Variants in MAP3K5 observed in about 807,000 individuals in gnomAD.
The protein encoded by MAP3K5 is ASK-1.
Under a neutral mutation model 158.7 loss-of-function variants are expected in MAP3K5, and 56 were observed. The ratio of observed to expected loss-of-function variants is 0.35; its 90% CI spans 0.28 to 0.44. The LOEUF (loss-of-function observed/expected upper bound fraction) is 0.44, where lower values mean the gene tolerates loss of function less well. Ranked by LOEUF, MAP3K5 falls within the 20% of genes least tolerant of loss-of-function variation. The pLI, the probability that MAP3K5 is intolerant of heterozygous loss-of-function variation, is 1.00. For missense variants in MAP3K5, 1,294 were observed against 1,674.8 expected (o/e 0.77, Z 3.97); for synonymous variants, 579 against 601.7 (o/e 0.96, Z 0.55).
intron 23 of MAP3K5, 147 bp downstream of exon 23, chr6:136,592,026 C>T (rs1313027982): frequency 1.0e-5 from 6 of 583,054 alleles, no homozygotes; most frequent in Non-Finnish European, 1.7e-5. Flanking sequence ...ATAGGGTTTG[C>T]CTTCTTTTTT....
chr6:136,660,165 T>G (rs1717383833), intron 8 of MAP3K5, among the ~76,000 whole-genome samples: 1 of 152,172 alleles, frequency 6.6e-6, no homozygotes, highest in South Asian at 2.1e-4. Flanking sequence ...TTCTATCAGT[T>G]GAAGTATAAA....
chr6:136,650,941 C>T, intron 11 of MAP3K5, 43 bp downstream of exon 11: 1 of 1,262,004 alleles, frequency 7.9e-7, no homozygotes, highest in Non-Finnish European at 1.1e-6. Flanking sequence ...GGTGTAAAGT[C>T]CCTTGTTACT....
chr6:136,733,630 A>T lies in MAP3K5; in HGVS notation c.449-13041T>A, dbSNP rs192178766. On this transcript the variant is annotated intron_variant, in intron 1 of 29. Transcript: ENST00000359015. ...AGTTAAAAAACAAAAAACAAACAAA[A>T]AAAACCTTTTTTTTTAGAGCTGTTT... is the stretch of plus-strand genomic sequence containing the variant. Among the ~76,000 whole-genome samples the T allele has an allele frequency of 6.2e-3, 948 of 152,204 alleles. 11 individuals carry two copies. Among genetic ancestry groups the T allele is most frequent in the African/African-American group, 0.022 (920 of 41,458 alleles).
At chr6:136,652,631 T>A (rs1262305997) in intron 10 of MAP3K5, among the ~76,000 whole-genome samples, 1 of 152,200 alleles carries the variant, frequency 6.6e-6, no homozygotes, top group Non-Finnish European at 1.5e-5. Context: ...CAAGTGAGAA[T>A]ATACTCCATT....
intron 3 of MAP3K5, among the ~76,000 whole-genome samples, chr6:136,701,654 C>T (rs1374291004): frequency 6.6e-6 from 1 of 152,200 alleles, no homozygotes; most frequent in Non-Finnish European, 1.5e-5. Context: ...AAAGAGGCTG[C>T]TTTCCAAAGC....
intron 7 of MAP3K5, among the ~76,000 whole-genome samples, chr6:136,681,670 A>T (rs552366957): frequency 6.6e-6 from 1 of 152,278 alleles, no homozygotes; most frequent in Non-Finnish European, 1.5e-5. Flanking sequence ...TAATCCCAGC[A>T]CTTTGGGAGG....
chr6:136,574,009 C>T (rs1454896467), intron 25 of MAP3K5, among the ~76,000 whole-genome samples: 1 of 151,828 alleles, frequency 6.6e-6, no homozygotes, highest in African/African-American at 2.4e-5. Flanking sequence ...TGGCTCACTG[C>T]AACCTCCGCC....
intron 8 of MAP3K5, among the ~76,000 whole-genome samples, chr6:136,662,175 G>C (rs1466949290): frequency 6.6e-6 from 1 of 152,122 alleles, no homozygotes; most frequent in Non-Finnish European, 1.5e-5. Context: ...TTTTAGTGTT[G>C]ATGCATTTTT....
chr6:136,701,382 C>G (rs1331392409), intron 3 of MAP3K5, among the ~76,000 whole-genome samples: 1 of 152,170 alleles, frequency 6.6e-6, no homozygotes, highest in African/African-American at 2.4e-5. Context: ...GGTAATGAAG[C>G]AGAAACCAAA....
At chr6:136,635,549 CAATTGCTAGAT>C (rs1777583537) in intron 14 of MAP3K5, among the ~76,000 whole-genome samples, 1 of 151,946 alleles carries the variant, frequency 6.6e-6, no homozygotes, top group African/African-American at 2.4e-5. Flanking sequence ...CAAAGCTATA[CAATTGCTAGAT>C]AATCATAGAA....
At chr6:136,619,260 C>T (rs1373493018) in intron 15 of MAP3K5, among the ~76,000 whole-genome samples, 4 of 152,032 alleles carry the variant, frequency 2.6e-5, no homozygotes, top group African/African-American at 7.3e-5. Context: ...TCTTGGTATG[C>T]CCGATAGAGA....
chr6:136,641,815 C>T (rs1338985102), intron 12 of MAP3K5, among the ~76,000 whole-genome samples: 2 of 151,326 alleles, frequency 1.3e-5, no homozygotes, highest in African/African-American at 4.9e-5. Context: ...CGGTGAAACC[C>T]TGTCTCTACT....
chr6:136,665,832 T>C (rs1779207573), intron 8 of MAP3K5, among the ~76,000 whole-genome samples: 1 of 152,234 alleles, frequency 6.6e-6, no homozygotes, highest in Admixed American at 6.5e-5. Context: ...ATTATCTCTA[T>C]TGATTCATGG....
intron 2 of MAP3K5, among the ~76,000 whole-genome samples, chr6:136,709,751 G>C (rs1256218211): frequency 1.3e-5 from 2 of 152,162 alleles, no homozygotes; most frequent in African/African-American, 4.8e-5. Context: ...GATTATGCTT[G>C]CAGATTGTGC....
At chr6:136,716,508 T>C (rs914346168) in intron 2 of MAP3K5, among the ~76,000 whole-genome samples, 8 of 152,104 alleles carry the variant, frequency 5.3e-5, no homozygotes, top group Non-Finnish European at 1.0e-4. Flanking sequence ...GCTGGTGTTA[T>C]AAAGGAATTT....
chr6:136,755,996 AAGTAGAAATGG>A (rs1783462179), intron 1 of MAP3K5, among the ~76,000 whole-genome samples: 4 of 152,120 alleles, frequency 2.6e-5, no homozygotes, highest in African/African-American at 9.7e-5. Flanking sequence ...ATTGATGGAA[AAGTAGAAATGG>A]AGCTAAGGAG....
chr6:136,743,803 T>G (rs151108590), intron 1 of MAP3K5, among the ~76,000 whole-genome samples: 100 of 152,272 alleles, frequency 6.6e-4, no homozygotes, highest in African/African-American at 2.1e-3. Context: ...TTTCAGGATG[T>G]AAGTGGATAA....
At chr6:136,674,099 C>G (rs574604109) in intron 7 of MAP3K5, among the ~76,000 whole-genome samples, 1 of 151,088 alleles carries the variant, frequency 6.6e-6, no homozygotes, top group Admixed American at 6.6e-5. Flanking sequence ...CAGAATACAA[C>G]GTAGTGACAT....
intron 1 of MAP3K5, among the ~76,000 whole-genome samples, chr6:136,788,400 T>C (rs1784932768): frequency 1.3e-5 from 2 of 151,958 alleles, no homozygotes; most frequent in African/African-American, 4.8e-5. Flanking sequence ...CAAAAGCAAT[T>C]GCAACAAAAA....
Sources: allele counts gnomAD v4.1 joint callset (sites outside exome capture counted in the v4.1 genomes callset), GRCh38; gene constraint gnomAD v4.1.1; transcripts MANE v1.5; gene names NCBI Gene and HGNC (gene_info 2026-07-23, HGNC 2026-07-21).